TENM2: variants seen among roughly 807,000 people sequenced by gnomAD.
The protein encoded by TENM2 is teneurin-2.
A neutral mutation model predicts 245.2 loss-of-function variants in TENM2; 52 were observed. The observed-to-expected ratio is 0.21, with a 90% confidence interval of 0.17 to 0.27. The LOEUF (loss-of-function observed/expected upper bound fraction) is 0.27. TENM2 is among the 10% of genes least tolerant of loss of function. TENM2 has a pLI of 1.00. For missense variants in TENM2, 3,046 were observed against 3,666.8 expected (o/e 0.83, Z 4.37); for synonymous variants, 1,363 against 1,438.9 (o/e 0.95, Z 1.19).
chr5:167,228,870 A>G, the TENM2 span, among the ~76,000 whole-genome samples: 3 of 151,982 alleles, frequency 2.0e-5, no homozygotes, highest in African/African-American at 7.3e-5. Flanking sequence ...ACGCCCGGCT[A>G]CTTTTTGGAT....
the TENM2 span, among the ~76,000 whole-genome samples, chr5:167,056,392 C>A: frequency 6.0e-5 from 9 of 149,176 alleles, no homozygotes; most frequent in Admixed American, 6.1e-4. Flanking sequence ...CTTCTCCTTT[C>A]TTGCTTGCAT....
intron 3 of TENM2, among the ~76,000 whole-genome samples, chr5:167,880,611 A>G (rs918370522): frequency 6.6e-6 from 1 of 152,166 alleles, no homozygotes; most frequent in South Asian, 2.1e-4. Flanking sequence ...AGTTTGTCAT[A>G]AAGGAGCTCA....
At chr5:167,865,768 T>G (rs889790900) in intron 2 of TENM2, among the ~76,000 whole-genome samples, 4 of 152,130 alleles carry the variant, frequency 2.6e-5, no homozygotes, top group African/African-American at 9.7e-5. Context: ...GGCCACTTGG[T>G]TAAGGAAAAA....
chr5:167,461,732 CAT>C (rs1465613268), intron 2 of TENM2, among the ~76,000 whole-genome samples: 2 of 152,090 alleles, frequency 1.3e-5, no homozygotes, highest in Non-Finnish European at 2.9e-5. Flanking sequence ...AATAAATAAA[CAT>C]ATGGCATAAA....
intron 2 of TENM2, among the ~76,000 whole-genome samples, chr5:167,716,360 G>T (rs1277921617): frequency 6.6e-6 from 1 of 152,166 alleles, no homozygotes; most frequent in African/African-American, 2.4e-5. Context: ...CTGTTGCATC[G>T]TATCTGTGAA....
intron 13 of TENM2, chr5:168,165,792 C>T (rs1430885390): frequency 1.2e-5 from 1 of 80,980 alleles, no homozygotes; most frequent in Non-Finnish European, 2.3e-5. Flanking sequence ...AAGTAATTAA[C>T]CACAAAGAAA....
At chr5:167,097,751 A>C in the TENM2 span, among the ~76,000 whole-genome samples, 1 of 152,310 alleles carries the variant, frequency 6.6e-6, no homozygotes, top group Admixed American at 6.5e-5. Context: ...ATGGAGGAAA[A>C]GACAGGCCCT....
intron 3 of TENM2, among the ~76,000 whole-genome samples, chr5:167,928,895 CAAAAAA>C (rs767167658): frequency 4.6e-4 from 10 of 21,594 alleles, no homozygotes; most frequent in African/African-American, 1.9e-3. Context: ...GACCCTGGCT[CAAAAAA>C]AAAAAAAAAA....
chr5:167,427,377 C>T (rs1214859593), intron 2 of TENM2, among the ~76,000 whole-genome samples: 1 of 151,646 alleles, frequency 6.6e-6, no homozygotes, highest in Non-Finnish European at 1.5e-5. Flanking sequence ...TGCTTGAACC[C>T]AGGAGGTGGA....
At chr5:167,367,453 G>C (rs1234725253) in intron 1 of TENM2, among the ~76,000 whole-genome samples, 1 of 152,148 alleles carries the variant, frequency 6.6e-6, no homozygotes, top group South Asian at 2.1e-4. Flanking sequence ...AGGATTTTGG[G>C]TGAACAGTTT....
chr5:168,119,494 C>T (rs965639414), intron 10 of TENM2, among the ~76,000 whole-genome samples: 1 of 152,214 alleles, frequency 6.6e-6, no homozygotes, highest in African/African-American at 2.4e-5. Flanking sequence ...CAAGAGAAAG[C>T]TATGCTGCCT....
At chr5:167,952,732 C>G in exon 4 of TENM2, 3 of 1,598,820 alleles carry the variant, frequency 1.9e-6, no homozygotes, top group Non-Finnish European at 1.7e-6. Context: ...CACGCCCCGG[C>G]CCCAGCGCCC....
chr5:167,194,404 A>G, the TENM2 span, among the ~76,000 whole-genome samples: 3 of 152,064 alleles, frequency 2.0e-5, no homozygotes, highest in African/African-American at 4.8e-5. Flanking sequence ...ACTAATGAAC[A>G]CATGAGCCAG....
intron 2 of TENM2, among the ~76,000 whole-genome samples, chr5:167,713,732 A>G (rs1296251065): frequency 6.6e-6 from 1 of 152,194 alleles, no homozygotes; most frequent in Non-Finnish European, 1.5e-5. Flanking sequence ...ATGCATATTC[A>G]TGTACAACAC....
intron 2 of TENM2, among the ~76,000 whole-genome samples, chr5:167,425,338 A>C (rs1045336351): frequency 6.6e-6 from 1 of 152,192 alleles, no homozygotes; most frequent in African/African-American, 2.4e-5. Context: ...TCCGAGGTCA[A>C]CAAGTATCTT....
At chr5:167,973,077 A>G (rs1263620540) in intron 4 of TENM2, among the ~76,000 whole-genome samples, 1 of 152,198 alleles carries the variant, frequency 6.6e-6, no homozygotes, top group African/African-American at 2.4e-5. Context: ...TATCTACCTA[A>G]TGGGGATATT....
the TENM2 span, among the ~76,000 whole-genome samples, chr5:166,996,323 A>G: frequency 6.6e-6 from 1 of 152,236 alleles, no homozygotes; most frequent in Admixed American, 6.5e-5. Flanking sequence ...AGCCTGGGCG[A>G]CAGAGTGAGA....
chr5:167,745,407 G>A (rs1761487034), intron 2 of TENM2, among the ~76,000 whole-genome samples: 1 of 152,138 alleles, frequency 6.6e-6, no homozygotes, highest in African/African-American at 2.4e-5. Flanking sequence ...ATGGTGTGGA[G>A]CTCCATCGTA....
chr5:167,560,277 GTC>G (rs1661413081), intron 2 of TENM2, among the ~76,000 whole-genome samples: 1 of 152,104 alleles, frequency 6.6e-6, no homozygotes, highest in Non-Finnish European at 1.5e-5. Context: ...AACCTCTTTA[GTC>G]TCTCTTACTG....
Sources: gnomAD v4.1 joint callset for allele counts (sites outside exome capture counted in the v4.1 genomes callset) on GRCh38, gnomAD v4.1.1 for gene constraint, MANE v1.5 for transcripts, NCBI Gene and HGNC (gene_info 2026-07-23, HGNC 2026-07-21) for gene names.